Variants in SLX4 observed in about 807,000 individuals in gnomAD.
The protein encoded by SLX4 is structure-specific endonuclease subunit SLX4.
Under a neutral mutation model 146.2 loss-of-function variants are expected in SLX4, and 112 were observed. That is an observed-to-expected ratio of 0.77 (90% CI 0.66 to 0.90). The LOEUF (loss-of-function observed/expected upper bound fraction) is 0.90. Among genes scored for constraint, SLX4 ranks in the 40% least tolerant of loss-of-function variants. The pLI is 0.00. For missense variants in SLX4, 2,563 were observed against 2,392.7 expected, an observed-to-expected ratio of 1.07 and a Z score of -1.49; for synonymous variants, 1,061 against 997.7, an observed-to-expected ratio of 1.06 and a Z score of -1.20.
rs1060501792 is a variant in SLX4 at position 3,590,276 on chromosome 16, G to T, written c.3362C>A (p.Ser1121Tyr). Residue 1121 changes from serine (S) to tyrosine (Y), a missense_variant, in exon 12 of 15, where the codon TCT (serine) becomes TAT (tyrosine). Coordinates refer to ENST00000294008, the MANE Select transcript of SLX4 (RefSeq NM_032444.4). This position sits in a 1 kb window ranked among gnomAD's most constrained non-coding sequence, Gnocchi z 4.8. Reference protein sequence around the residue: ...NKGVLMFPEKSPSIDLTQSNP... With the variant: ...NKGVLMFPEKYPSIDLTQSNP... The stretch of plus-strand genomic sequence containing the variant: ...TGACTGGGTTAGGTCAATAGACGGA[G>T]ATTTTTCTGGGAACATCAGGACCCC... 1.2e-6 allele frequency: 2 copies of T among 1,613,946 alleles called. No individual in the cohort carries two copies. The highest frequency in any genetic ancestry group is 1.3e-5 in the African/African-American group (1 of 74,872).
intron 11 of SLX4, among the ~76,000 whole-genome samples, chr16:3,592,053 T>C (rs2040600050): frequency 6.6e-6 from 1 of 152,242 alleles, no homozygotes. Flanking sequence ...CACCAAGTCC[T>C]TGAGTCAGCC....
In SLX4 at chr16:3,590,746, G is replaced by C. The variant is rs1311904834; in HGVS notation, c.2892C>G (p.Asp964Glu). The C allele has an allele frequency of 9.3e-6, 15 of 1,614,008 alleles. No homozygotes were observed. The highest frequency in any genetic ancestry group is 3.3e-5 in the Admixed American group (2 of 60,008). ...AGCCTTCTTTTCTCTCTGCCTGGCA[G>C]TCCCTGGAAGGGCTGGAGCAGCTGG... Reference protein sequence around the residue: ...GHSSCSSPSRDCQAERKEGSL... With the variant: ...GHSSCSSPSRECQAERKEGSL... The change falls in exon 12 of 15, where the codon GAC (aspartate) becomes GAG (glutamate). Residue 964 changes from aspartate to glutamate, a missense_variant. Physicochemically the swap from Asp to Glu is conservative, Grantham distance 45. Transcript: ENST00000294008. This position sits in a 1 kb window ranked among gnomAD's most constrained non-coding sequence, Gnocchi z 4.8.
chr16:3,586,307 C>A (rs999479726), intron 12 of SLX4, among the ~76,000 whole-genome samples: 4 of 151,758 alleles, frequency 2.6e-5, no homozygotes, highest in African/African-American at 9.7e-5. Flanking sequence ...ATTAGACATA[C>A]AAAGGAATGT....
At chr16:3,599,750 C>CTAATTTTT (rs2040705929) in intron 5 of SLX4, among the ~76,000 whole-genome samples, 1 of 152,120 alleles carries the variant, frequency 6.6e-6, no homozygotes, top group Non-Finnish European at 1.5e-5. Flanking sequence ...CCACAGCCAG[C>CTAATTTTT]TAATTTTTTA....
rs1420226234 is a variant in SLX4 at position 3,590,785 on chromosome 16, C to T, written c.2853G>A (p.Glu951=). Reference sequence around the variant, plus strand: ...TGGAGCAGCTGGAATGGCCAAGCGCCTCCTCTGGCGCCTCCTGCTCAGGGG... The same window carrying T: ...TGGAGCAGCTGGAATGGCCAAGCGCTTCCTCTGGCGCCTCCTGCTCAGGGG... The part of the protein sequence containing the change: ...AEAPEQEAPE[E]ALGHSSCSSP... The change falls in exon 12 of 15, where the codon GAG becomes GAA. Residue 951 remains glutamate (E), a synonymous_variant. Coordinates refer to ENST00000294008, the MANE Select transcript of SLX4 (RefSeq NM_032444.4). This position sits in a 1 kb window ranked among gnomAD's most constrained non-coding sequence, Gnocchi z 4.8. 5.6e-6 allele frequency: 9 copies of T among 1,613,942 alleles called. No individual in the cohort carries two copies. The highest frequency in any genetic ancestry group is 7.6e-6 in the Non-Finnish European group (9 of 1,180,034).
At chr16:3,586,857 T>A (rs2040514020) in intron 12 of SLX4, among the ~76,000 whole-genome samples, 1 of 151,222 alleles carries the variant, frequency 6.6e-6, no homozygotes, top group Non-Finnish European at 1.5e-5. Flanking sequence ...AAAATACTGA[T>A]CCATGCTACA....
At position 3,603,558 on chromosome 16, in the gene SLX4, T is replaced by G. The variant is rs1402848064; in HGVS notation, c.761-1251A>C. Among the ~76,000 whole-genome samples the G allele has an allele frequency of 3.3e-5, 5 of 152,318 alleles. No individual in the cohort carries two copies. In the East Asian group the frequency reaches 9.6e-4, roughly 29 times the overall value. ...TGTGGACCCTGGGGTGGCCTGAGAC[T>G]CCTCCGTGCTACTGCAGTGAAATCT... On this transcript the variant is annotated intron_variant, in intron 3 of 14. Transcript: ENST00000294008.
At chr16:3,600,533 T>C (rs1276892008) in intron 5 of SLX4, 2 of 211,994 alleles carry the variant, frequency 9.4e-6, no homozygotes, top group Non-Finnish European at 1.9e-5. Context: ...ATTTCCGCCC[T>C]AAGTGTTTCA....
intron 3 of SLX4, among the ~76,000 whole-genome samples, chr16:3,604,682 G>C (rs546918268): frequency 2.6e-5 from 4 of 151,854 alleles, no homozygotes; most frequent in Non-Finnish European, 5.9e-5. Context: ...TTAGCTGGAC[G>C]TGGTGGTGCA....
chr16:3,582,626 T>C lies in SLX4; in HGVS notation c.5221A>G (p.Ser1741Gly), dbSNP rs755353749. The C allele has an allele frequency of 1.2e-6, 2 of 1,613,576 alleles. No individual in the cohort carries two copies. Among genetic ancestry groups the C allele is most frequent in the Admixed American group, 3.3e-5 (2 of 60,024 alleles). Residue 1741 changes from serine (S) to glycine (G), a missense_variant, in exon 15 of 15, where the codon AGT becomes GGT. Coordinates refer to ENST00000294008, the MANE Select transcript of SLX4 (RefSeq NM_032444.4). ...GCCTGCACGGCTGCCTGCGAGGCACTGACCTCCCCCTCGCCCTCCTCTTCA... is the reference window on the plus strand; with the variant it reads ...GCCTGCACGGCTGCCTGCGAGGCACCGACCTCCCCCTCGCCCTCCTCTTCA... ...AGEEEGEGEVSASQAAVQAAD... is the reference protein window; with the variant it reads ...AGEEEGEGEVGASQAAVQAAD...
Position 3,583,267 on chromosome 16 carries a change from C to T in SLX4, c.4983G>A (p.Lys1661=), listed in dbSNP as rs769196428. Residue 1661 remains lysine (K), a synonymous_variant, in exon 14 of 15, where the codon AAG becomes AAA. Transcript: ENST00000294008. ...PGAHRPKGPA[K]TKGPRHQRKH... ...TCCTTTGATGTCGGGGGCCCTTGGTCTTAGCAGGTCCCTTGGGCCTATGGG... is the reference window on the plus strand; with the variant it reads ...TCCTTTGATGTCGGGGGCCCTTGGTTTTAGCAGGTCCCTTGGGCCTATGGG... The T allele has an allele frequency of 3.1e-6, 5 of 1,614,148 alleles. No individual in the cohort carries two copies. The South Asian group carries it at 4.4e-5, about 14-fold the overall frequency.
intron 3 of SLX4, among the ~76,000 whole-genome samples, chr16:3,605,841 G>A (rs1212436146): frequency 6.6e-6 from 1 of 151,574 alleles, no homozygotes; most frequent in African/African-American, 2.4e-5. Flanking sequence ...CAGCTACTCG[G>A]GAGGCTGAGG....
At chr16:3,606,442 C>T in intron 3 of SLX4, 32 bp downstream of exon 3, 1 of 1,609,772 alleles carries the variant, frequency 6.2e-7, no homozygotes, top group Non-Finnish European at 8.5e-7. Flanking sequence ...TAACTTATCT[C>T]TGTGTGGAAG....
chr16:3,606,774 A>T, intron 2 of SLX4, 76 bp from the exon 3 acceptor site: 1 of 1,513,980 alleles, frequency 6.6e-7, no homozygotes, highest in Non-Finnish European at 9.1e-7. Context: ...GATACAGGTT[A>T]GACGCAAGTT....
At position 3,597,825 on chromosome 16, in the gene SLX4, G is replaced by A. The variant is rs1257366325; in HGVS notation, c.1338C>T (p.Ala446=). The change falls in exon 6 of 15, where the codon GCC becomes GCT. Residue 446 remains alanine (A), a synonymous_variant. Transcript: ENST00000294008. This position sits in a 1 kb window ranked among gnomAD's most constrained non-coding sequence, Gnocchi z 4.4. ...AAVPALRLES[A]FSERIRPEAE... ...CTTCTGGTCTTATCCTCTCAGAAAA[G>A]GCACTTTCCAGCCTGAGCGCTGGTA... The A allele has an allele frequency of 6.2e-7, 1 of 1,614,118 alleles. No homozygotes were observed. Among genetic ancestry groups the A allele is most frequent in the Admixed American group, 1.7e-5 (1 of 60,016 alleles).
rs773941480 is a variant in SLX4, at chr16:3,589,261, G to C, written c.4377C>G (p.Asn1459Lys). Residue 1459 changes from asparagine to lysine, a missense_variant, in exon 12 of 15, where the codon AAC (asparagine) becomes AAG (lysine). By Grantham distance (94) the Asn-to-Lys change is moderately conservative. Transcript: ENST00000294008. This position sits in a 1 kb window ranked among gnomAD's most constrained non-coding sequence, Gnocchi z 6.2. ...GACAGTCACGGCTGTCGGCGGCCTC[G>C]TTCATCCTGCGGCTGGGGCTGCTGG... ...LSTSSPSRRMNEAADSRDCRS... is the reference protein window; with the variant it reads ...LSTSSPSRRMKEAADSRDCRS... 1 of 1,603,114 alleles carries C rather than the reference G, an allele frequency of 6.2e-7. No individual in the cohort carries two copies. The highest frequency in any genetic ancestry group is 1.1e-5 in the South Asian group (1 of 89,786).
intron 3 of SLX4, among the ~76,000 whole-genome samples, chr16:3,602,533 A>G (rs1369725357): frequency 6.6e-6 from 1 of 152,184 alleles, no homozygotes; most frequent in Admixed American, 6.5e-5. Flanking sequence ...GATATGCATT[A>G]CCTGGGAAGC....
In SLX4 at chr16:3,590,760, T is replaced by A. The variant is rs772190416; in HGVS notation, c.2878A>T (p.Ser960Cys). 1.2e-6 allele frequency: 2 copies of A among 1,614,110 alleles called. No homozygotes were observed. The highest frequency in any genetic ancestry group is 2.2e-5 in the South Asian group (2 of 91,092). Residue 960 changes from serine (S) to cysteine (C), a missense_variant, in exon 12 of 15, where the codon AGC (serine) becomes TGC (cysteine). Transcript: ENST00000294008. The surrounding 1 kb of genome is among the most constrained non-coding windows in gnomAD (Gnocchi z 4.8). ...EEALGHSSCSSPSRDCQAERK... is the reference protein window; with the variant it reads ...EEALGHSSCSCPSRDCQAERK... ...TCTGCCTGGCAGTCCCTGGAAGGGC[T>A]GGAGCAGCTGGAATGGCCAAGCGCC...
Position 3,608,431 on chromosome 16 carries a change from T to G in SLX4, c.534A>C (p.Arg178Ser). ...PSPNLSREKTRENVPNSDSQP... is the reference protein window; with the variant it reads ...PSPNLSREKTSENVPNSDSQP... ...CTGGTTTAAAAGAGTACAAATTACCTCTGGTTTTCTCTCTGGAAAGGTTTG... is the reference window on the plus strand; with the variant it reads ...CTGGTTTAAAAGAGTACAAATTACCGCTGGTTTTCTCTCTGGAAAGGTTTG... Residue 178 changes from arginine (R) to serine (S), a missense_variant and splice_region_variant, in exon 2 of 15, where the codon AGA (arginine) becomes AGC (serine). Coordinates refer to ENST00000294008, the MANE Select transcript of SLX4 (RefSeq NM_032444.4). 6.2e-7 allele frequency: 1 copy of G among 1,614,136 alleles called. No homozygotes were observed.
Sources: allele counts gnomAD v4.1 joint callset (sites outside exome capture counted in the v4.1 genomes callset), GRCh38; gene constraint gnomAD v4.1.1; non-coding constraint Gnocchi (gnomAD v3.1); transcripts MANE v1.5; gene names NCBI Gene and HGNC (gene_info 2026-07-23, HGNC 2026-07-21).